The following KCTD18 variants were observed in gnomAD, a reference collection of about 807,000 sequenced individuals.
KCTD18 encodes the protein potassium channel tetramerization domain containing 18, also known as BTB/POZ domain-containing protein KCTD18.
KCTD18 carries 22 observed loss-of-function variants against 30.4 expected under a neutral mutation model. The ratio of observed to expected loss-of-function variants is 0.72; its 90% CI spans 0.52 to 1.03. KCTD18 has a LOEUF of 1.03. KCTD18 is among the 50% of genes least tolerant of loss of function. KCTD18 has a pLI of 0.00. For missense variants in KCTD18, 529 were observed against 547.6 expected, an observed-to-expected ratio of 0.97 and a Z score of 0.34; for synonymous variants, 186 against 209.0, an observed-to-expected ratio of 0.89 and a Z score of 0.95.
chr2:200,494,366 AT>A (rs914616053), intron 5 of KCTD18, among the ~76,000 whole-genome samples: 2 of 152,078 alleles, frequency 1.3e-5, no homozygotes, highest in African/African-American at 4.8e-5. Flanking sequence ...TTCCATCTCA[AT>A]TTTTTTTAGA....
Position 200,498,910 on chromosome 2 carries a change from T to C in KCTD18, c.547A>G (p.Ser183Gly). Residue 183 changes from serine (S) to glycine (G), a missense_variant, in exon 4 of 7, where the codon AGC (serine) becomes GGC (glycine). Transcript: ENST00000359878. ...IEKQLGGRIH[S>G]KGIFKREAGN... ...ACATACCTTTTAAAAATGCCTTTGC[T>C]GTGAATTCTTCCTCCCAGCTGCTTT... 6.2e-7 allele frequency: 1 copy of C among 1,613,924 alleles called. No individual in the cohort carries two copies. The highest frequency in any genetic ancestry group is 1.3e-5 in the African/African-American group (1 of 75,070).
At position 200,498,876 on chromosome 2, in the gene KCTD18, T is replaced by G; in HGVS notation, c.566+15A>C. The G allele has an allele frequency of 6.2e-7, 1 of 1,609,244 alleles. No individual in the cohort carries two copies. The highest frequency in any genetic ancestry group is 8.5e-7 in the Non-Finnish European group (1 of 1,176,368). On this transcript the variant is annotated intron_variant, in intron 4 of 6. Transcript: ENST00000359878. ...ACTTTATTTTGTTCTTTTTCACATT[T>G]AAATTTGGACATACCTTTTAAAAAT...
In KCTD18 at chr2:200,489,672, A is replaced by G. The variant is rs983628359; in HGVS notation, c.*428T>C. ...CTCTCTAATCTCTCTTGGCTGTGAT[A>G]TAGTACAGGGAACCACTAATATCAC... is the stretch of plus-strand genomic sequence containing the variant. On this transcript the variant is annotated 3_prime_UTR_variant, in exon 7 of 7. Coordinates refer to ENST00000359878, the MANE Select transcript of KCTD18 (RefSeq NM_152387.4). 1 of 158,864 alleles carries G rather than the reference A, an allele frequency of 6.3e-6. No homozygotes were observed. Among genetic ancestry groups the G allele is most frequent in the Non-Finnish European group, 1.4e-5 (1 of 72,836 alleles). 9.8% of individuals were successfully genotyped at this position (158,864 alleles called of 1,614,324 possible). A position where few individuals can be genotyped will look rare whatever the true frequency, so the allele number is the denominator to read the frequency against.
At chr2:200,507,452 G>C (rs761180509) in intron 1 of KCTD18, among the ~76,000 whole-genome samples, 21 of 152,192 alleles carry the variant, frequency 1.4e-4, no homozygotes, top group Non-Finnish European at 4.4e-5. Context: ...AGACTGCAGA[G>C]ATCAGTGGAC....
intron 6 of KCTD18, among the ~76,000 whole-genome samples, 157 bp downstream of exon 6, chr2:200,493,015 A>G (rs2087943441): frequency 6.6e-6 from 1 of 152,196 alleles, no homozygotes; most frequent in African/African-American, 2.4e-5. Context: ...CTTTATATTT[A>G]TCAAGATCTA....
intron 6 of KCTD18, among the ~76,000 whole-genome samples, chr2:200,491,063 C>A (rs182365503): frequency 1.8e-4 from 27 of 152,256 alleles, no homozygotes; most frequent in African/African-American, 5.1e-4. Context: ...GCATGTCCCC[C>A]CCGAAGCTCA....
chr2:200,489,586 T>C lies in KCTD18; in HGVS notation c.*514A>G, dbSNP rs964399028. 2 of 152,494 alleles carry C rather than the reference T, an allele frequency of 1.3e-5. No homozygotes were observed. Among genetic ancestry groups the C allele is most frequent in the African/African-American group, 4.8e-5 (2 of 41,454 alleles). 9.4% of individuals were successfully genotyped at this position (152,494 alleles called of 1,614,324 possible). On this transcript the variant is annotated 3_prime_UTR_variant, in exon 7 of 7. Coordinates refer to ENST00000359878, the MANE Select transcript of KCTD18 (RefSeq NM_152387.4). ...GGGTTTTTTCCTCCCCATCATTTCT[T>C]TTCACGTTGCCTTTGGAGACAGAGT... is the stretch of plus-strand genomic sequence containing the variant.
intron 6 of KCTD18, among the ~76,000 whole-genome samples, chr2:200,491,835 G>C (rs761118562): frequency 6.6e-6 from 1 of 152,148 alleles, no homozygotes; most frequent in Non-Finnish European, 1.5e-5. Context: ...TGTCATTAGA[G>C]GCGATTACAA....
In KCTD18 at chr2:200,497,801, C is replaced by CT; in HGVS notation, c.612dup (p.Ala205SerfsTer11). 6.2e-7 allele frequency: 1 copy of CT among 1,612,634 alleles called. No individual in the cohort carries two copies. The highest frequency in any genetic ancestry group is 8.5e-7 in the Non-Finnish European group (1 of 1,179,294). The stretch of plus-strand genomic sequence containing the variant: ...GCATCCATCATTTTCTTCAACTCTG[C>CT]TACTGAATAATAGCTCCAAATGTAC... On this transcript the variant is annotated frameshift_variant, in exon 5 of 7. Coordinates refer to ENST00000359878, the MANE Select transcript of KCTD18 (RefSeq NM_152387.4). LOFTEE classifies it high-confidence loss of function.
intron 5 of KCTD18, among the ~76,000 whole-genome samples, chr2:200,494,910 T>C (rs1002907127): frequency 6.6e-6 from 1 of 152,226 alleles, no homozygotes. Flanking sequence ...TCATACAAAA[T>C]GCAACCTTTT....
chr2:200,504,231 G>A (rs1212191059), intron 3 of KCTD18, among the ~76,000 whole-genome samples: 1 of 152,146 alleles, frequency 6.6e-6, no homozygotes, highest in Non-Finnish European at 1.5e-5. Context: ...GGCCCAGATG[G>A]GCGGATCACG....
chr2:200,498,270 C>T (rs1189104085), intron 4 of KCTD18, among the ~76,000 whole-genome samples: 1 of 152,170 alleles, frequency 6.6e-6, no homozygotes, highest in Non-Finnish European at 1.5e-5. Flanking sequence ...ATTTAATAAT[C>T]TCAAAAGGCA....
chr2:200,492,135 T>C (rs985652435), intron 6 of KCTD18, among the ~76,000 whole-genome samples: 2 of 152,362 alleles, frequency 1.3e-5, no homozygotes, highest in African/African-American at 4.8e-5. Context: ...GTTTTCCATC[T>C]ACATCTTCCA....
chr2:200,492,167 C>G (rs556647962), intron 6 of KCTD18, among the ~76,000 whole-genome samples: 4 of 152,206 alleles, frequency 2.6e-5, no homozygotes, highest in Non-Finnish European at 5.9e-5. Flanking sequence ...ACTGAGGTTT[C>G]TCAACCTCGG....
At chr2:200,490,755 T>A in intron 6 of KCTD18, 139 bp from the exon 7 acceptor site, 1 of 762,988 alleles carries the variant, frequency 1.3e-6, no homozygotes, top group Non-Finnish European at 2.0e-6. Context: ...GGCACCTACC[T>A]CATCTCTCAT....
At chr2:200,493,941 C>A (rs2087960621) in intron 5 of KCTD18, among the ~76,000 whole-genome samples, 1 of 152,214 alleles carries the variant, frequency 6.6e-6, no homozygotes, top group African/African-American at 2.4e-5. Flanking sequence ...TATGAGACAT[C>A]ACCACCCGAT....
In KCTD18 at chr2:200,507,094, G is replaced by A. The variant is rs1427004780; in HGVS notation, c.-75-3C>T. ...AACAATGATGTCTTGGTCTCCCTCT[G>A]TAAAACAAAGGACAGTCATCCCCGC... On this transcript the variant is annotated splice_polypyrimidine_tract_variant and splice_region_variant and intron_variant, in intron 1 of 6. Coordinates refer to ENST00000359878, the MANE Select transcript of KCTD18 (RefSeq NM_152387.4). 2.6e-6 allele frequency: 3 copies of A among 1,159,438 alleles called. No individual in the cohort carries two copies. Among genetic ancestry groups the A allele is most frequent in the Non-Finnish European group, 3.7e-6 (3 of 821,540 alleles). 71.8% of individuals were successfully genotyped at this position (1,159,438 alleles called of 1,614,324 possible).
chr2:200,495,375 A>G (rs2087984023), intron 5 of KCTD18, among the ~76,000 whole-genome samples: 1 of 152,148 alleles, frequency 6.6e-6, no homozygotes, highest in South Asian at 2.1e-4. Context: ...AAGTGTTTTT[A>G]TTTTGTCTCT....
intron 1 of KCTD18, among the ~76,000 whole-genome samples, chr2:200,509,250 T>C (rs1376980770): frequency 6.6e-6 from 1 of 152,062 alleles, no homozygotes; most frequent in Non-Finnish European, 1.5e-5. Flanking sequence ...TGACTGCTAG[T>C]AGGTTGTGGA....
Sources: allele counts gnomAD v4.1 joint callset (sites outside exome capture counted in the v4.1 genomes callset), GRCh38; gene constraint gnomAD v4.1.1; transcripts MANE v1.5; gene names NCBI Gene and HGNC (gene_info 2026-07-23, HGNC 2026-07-21).